The following PCTP variants were observed in gnomAD, a reference collection of about 807,000 sequenced individuals.
PCTP encodes the protein phosphatidylcholine transfer protein.
PCTP carries 27 observed loss-of-function variants against 31.0 expected under a neutral mutation model. The ratio of observed to expected loss-of-function variants is 0.87; its 90% CI spans 0.64 to 1.20. PCTP has a LOEUF of 1.20. PCTP is among the 50% of genes most tolerant of loss of function. The probability of loss-of-function intolerance (pLI) is 0.00; values close to 1 mark genes in which losing one functional copy is unlikely to be tolerated. For missense variants in PCTP, 287 were observed against 268.2 expected, an observed-to-expected ratio of 1.07 and a Z score of -0.49; for synonymous variants, 108 against 101.2, an observed-to-expected ratio of 1.07 and a Z score of -0.40.
intron 1 of PCTP, among the ~76,000 whole-genome samples, chr17:55,758,461 A>G (rs890569925): frequency 6.6e-6 from 1 of 152,194 alleles, no homozygotes; most frequent in Non-Finnish European, 1.5e-5. Flanking sequence ...CACTCTATAG[A>G]TGTGAAATCC....
chr17:55,810,630 C>T (rs1912721569), intron 3 of PCTP, among the ~76,000 whole-genome samples: 1 of 152,210 alleles, frequency 6.6e-6, no homozygotes, highest in Non-Finnish European at 1.5e-5. Flanking sequence ...ACTGTTTACC[C>T]ATATCCAGTT....
intron 1 of PCTP, among the ~76,000 whole-genome samples, chr17:55,757,145 A>G (rs1910071380): frequency 6.6e-6 from 1 of 151,760 alleles, no homozygotes; most frequent in South Asian, 2.1e-4. Flanking sequence ...ATATATATGT[A>G]CACACACAAA....
At chr17:55,798,212 G>T (rs949097734) in intron 3 of PCTP, among the ~76,000 whole-genome samples, 7 of 151,920 alleles carry the variant, frequency 4.6e-5, no homozygotes, top group African/African-American at 1.7e-4. Flanking sequence ...GTAGAAAAGG[G>T]TCTAAGAGAT....
chr17:55,842,051 G>A (rs58087481), intron 5 of PCTP, among the ~76,000 whole-genome samples: 1 of 151,900 alleles, frequency 6.6e-6, no homozygotes, highest in Non-Finnish European at 1.5e-5. Flanking sequence ...TTATGCACAA[G>A]GTACTCTCAT....
At chr17:55,803,498 G>T (rs1912459919) in intron 3 of PCTP, among the ~76,000 whole-genome samples, 1 of 152,086 alleles carries the variant, frequency 6.6e-6, no homozygotes, top group Admixed American at 6.6e-5. Flanking sequence ...CATGGTCCTG[G>T]TACCAAAACA....
At chr17:55,800,017 A>G (rs1197821404) in intron 3 of PCTP, among the ~76,000 whole-genome samples, 3 of 151,642 alleles carry the variant, frequency 2.0e-5, no homozygotes, top group Non-Finnish European at 2.9e-5. Context: ...TTTTTCCTTC[A>G]TTTCAACCTT....
At chr17:55,808,286 G>A (rs940060241) in intron 3 of PCTP, among the ~76,000 whole-genome samples, 1 of 152,128 alleles carries the variant, frequency 6.6e-6, no homozygotes, top group Admixed American at 6.5e-5. Context: ...GATGGTTGAC[G>A]CACCTCACCT....
chr17:55,768,648 A>G (rs1237180253), intron 2 of PCTP, among the ~76,000 whole-genome samples: 1 of 152,214 alleles, frequency 6.6e-6, no homozygotes, highest in Non-Finnish European at 1.5e-5. Flanking sequence ...AGCTAATAGA[A>G]CTAGTACTAG....
At chr17:55,814,072 A>C (rs1365552181) in intron 3 of PCTP, among the ~76,000 whole-genome samples, 1 of 151,994 alleles carries the variant, frequency 6.6e-6, no homozygotes, top group Non-Finnish European at 1.5e-5. Context: ...AAAAAAGAAA[A>C]ATTGTTTCAA....
At position 55,773,831 on chromosome 17, in the gene PCTP, G is replaced by A. The variant is rs769864936; in HGVS notation, c.447G>A (p.Val149=). The part of the protein sequence containing the change: ...SMPQLGERSG[V]IRVKQYKQSL... ...CTCAGCTTGGCGAGAGGTCTGGGGTGATCCGGGTGAAGCAATACAAGCAGA... is the reference window on the plus strand; with the variant it reads ...CTCAGCTTGGCGAGAGGTCTGGGGTAATCCGGGTGAAGCAATACAAGCAGA... Residue 149 remains valine, a synonymous_variant, in exon 4 of 6, where the codon GTG becomes GTA. Coordinates refer to ENST00000268896, the MANE Select transcript of PCTP (RefSeq NM_021213.4). 1 of 1,613,276 alleles carries A rather than the reference G, an allele frequency of 6.2e-7. No individual in the cohort carries two copies. The highest frequency in any genetic ancestry group is 1.7e-5 in the Admixed American group (1 of 59,996).
chr17:55,816,958 G>A (rs1385404440), intron 3 of PCTP, among the ~76,000 whole-genome samples: 1 of 152,110 alleles, frequency 6.6e-6, no homozygotes. Flanking sequence ...AACCTCAAAT[G>A]AACTCCCCCG....
intron 5 of PCTP, among the ~76,000 whole-genome samples, chr17:55,842,405 T>A (rs1306244294): frequency 6.6e-6 from 1 of 152,196 alleles, no homozygotes; most frequent in African/African-American, 2.4e-5. Flanking sequence ...ATGTTGGAAG[T>A]CCCAGGAAAT....
intron 5 of PCTP, 21 bp downstream of exon 5, chr17:55,774,880 G>A: frequency 1.7e-6 from 1 of 579,648 alleles, no homozygotes; most frequent in Non-Finnish European, 3.3e-6. Context: ...AGGAGGTGGG[G>A]CGGGGGGAGG....
At chr17:55,780,371 A>C (rs755424112), downstream of PCTP, among the ~76,000 whole-genome samples, 14 of 152,216 alleles carry the variant, frequency 9.2e-5, no homozygotes, top group African/African-American at 1.2e-4. Flanking sequence ...ACTGCCAGGC[A>C]GTGGAGTACA....
intron 3 of PCTP, among the ~76,000 whole-genome samples, chr17:55,821,110 A>AT (rs1203492781): frequency 1.3e-5 from 2 of 152,364 alleles, no homozygotes; most frequent in East Asian, 3.9e-4. Context: ...CCATAGGAGC[A>AT]TTTTTCATAA....
rs145447335 is a variant in PCTP at position 55,787,027 on chromosome 17, ATGTGTG to A, written c.229-520_229-515del. 2.7e-5 allele frequency among the ~76,000 whole-genome samples: 4 copies of A among 147,888 alleles called. No homozygotes were observed. The East Asian group carries it at 6.0e-4, about 22-fold the overall frequency. Reference sequence around the variant, plus strand: ...TGCTTGTGCATATGCATGTGTGAGCATGTGTGTGTGTGTGTGTGTGTGTGGTAGACT... The same window carrying A: ...TGCTTGTGCATATGCATGTGTGAGCATGTGTGTGTGTGTGTGTGGTAGACT... On this transcript the variant is annotated intron_variant, in intron 2 of 3. Coordinates refer to the PCTP transcript ENST00000572536.
In PCTP at chr17:55,751,146, G is replaced by C; in HGVS notation, c.43G>C (p.Glu15Gln). ...AGSFSEEQFW[E>Q]ACAELQQPAL... ...AAGCTTCTCGGAGGAGCAGTTCTGG[G>C]AGGCCTGCGCCGAGCTCCAGCAGCC... The change falls in exon 1 of 6, where the codon GAG (glutamate) becomes CAG (glutamine). Residue 15 changes from glutamate (E) to glutamine (Q), a missense_variant. Glu to Gln is a conservative substitution (Grantham distance 29). Transcript: ENST00000268896. 2 of 1,546,288 alleles carry C rather than the reference G, an allele frequency of 1.3e-6. No individual in the cohort carries two copies. The highest frequency in any genetic ancestry group is 1.2e-5 in the South Asian group (1 of 83,848).
At chr17:55,789,271 T>C (rs562912182) in intron 3 of PCTP, among the ~76,000 whole-genome samples, 1 of 152,244 alleles carries the variant, frequency 6.6e-6, no homozygotes, top group South Asian at 2.1e-4. Flanking sequence ...CTTTGAAAAA[T>C]AAAATTCTCA....
At chr17:55,752,708 C>CT (rs1909780173) in intron 1 of PCTP, among the ~76,000 whole-genome samples, 1 of 152,136 alleles carries the variant, frequency 6.6e-6, no homozygotes, top group South Asian at 2.1e-4. Flanking sequence ...GCCATATTTA[C>CT]TTTTTTTCTG....
Sources: gnomAD v4.1 joint callset for allele counts (sites outside exome capture counted in the v4.1 genomes callset) on GRCh38, gnomAD v4.1.1 for gene constraint, MANE v1.5 for transcripts, NCBI Gene and HGNC (gene_info 2026-07-23, HGNC 2026-07-21) for gene names.